SYCP2: variants seen among roughly 807,000 people sequenced by gnomAD.
The protein encoded by SYCP2 is synaptonemal complex lateral element protein.
SYCP2 carries 55 observed loss-of-function variants against 211.3 expected under a neutral mutation model. The ratio of observed to expected loss-of-function variants is 0.26; its 90% CI spans 0.21 to 0.33. The LOEUF (loss-of-function observed/expected upper bound fraction) is 0.33, where lower values mean the gene tolerates loss of function less well. Ranked by LOEUF, SYCP2 falls within the 10% of genes least tolerant of loss-of-function variation. SYCP2 has a pLI of 1.00. For missense variants in SYCP2, 1,731 were observed against 1,752.0 expected (o/e 0.99, Z 0.21); for synonymous variants, 570 against 555.2 (o/e 1.03, Z -0.37).
At position 59,887,566 on chromosome 20, in the gene SYCP2, T is replaced by C. The variant is rs554021037; in HGVS notation, c.2365-732A>G. ...TTTCTAGTTCTAGATCCTTGAGGAATTGCCACACTGTCTTCCACAATGGTT... is the reference window on the plus strand; with the variant it reads ...TTTCTAGTTCTAGATCCTTGAGGAACTGCCACACTGTCTTCCACAATGGTT... On this transcript the variant is annotated intron_variant, in intron 24 of 44. Coordinates refer to ENST00000357552, the MANE Select transcript of SYCP2 (RefSeq NM_014258.4). Among the ~76,000 whole-genome samples the C allele has an allele frequency of 2.6e-5, 4 of 152,248 alleles. No homozygotes were observed. The South Asian group carries it at 8.3e-4, about 32-fold the overall frequency.
chr20:59,886,074 A>G (rs2059782236), intron 25 of SYCP2, 110 bp from the exon 26 acceptor site: 1 of 808,374 alleles, frequency 1.2e-6, no homozygotes, highest in Non-Finnish European at 2.0e-6. Flanking sequence ...AATGTTAAAA[A>G]TAACCAAAAT....
intron 15 of SYCP2, 128 bp downstream of exon 15, chr20:59,907,236 C>G (rs761634979): frequency 2.3e-4 from 148 of 652,984 alleles, no homozygotes; most frequent in Non-Finnish European, 3.4e-4. Context: ...TGATGAATTT[C>G]TGAATGTGAA....
At position 59,898,731 on chromosome 20, in the gene SYCP2, T is replaced by C. The variant is rs945064048; in HGVS notation, c.1404+1407A>G. 7.3e-5 allele frequency among the ~76,000 whole-genome samples: 11 copies of C among 151,426 alleles called. No individual in the cohort carries two copies. The South Asian group carries it at 8.3e-4, about 11-fold the overall frequency. ...AAAGACTTCCTACAAAAAAAAGATATGTAAAATGTTTTAAAAAGGAAAGCA... is the reference window on the plus strand; with the variant it reads ...AAAGACTTCCTACAAAAAAAAGATACGTAAAATGTTTTAAAAAGGAAAGCA... On this transcript the variant is annotated intron_variant, in intron 18 of 44. Coordinates refer to ENST00000357552, the MANE Select transcript of SYCP2 (RefSeq NM_014258.4).
intron 9 of SYCP2, 31 bp downstream of exon 9, chr20:59,915,431 TAAG>T: frequency 1.4e-6 from 2 of 1,387,956 alleles, no homozygotes; most frequent in Non-Finnish European, 2.0e-6. Flanking sequence ...TTATGGATTT[TAAG>T]AATAAAAACC....
At chr20:59,894,570 T>TACATATTTATGA (rs1327131508) in intron 20 of SYCP2, among the ~76,000 whole-genome samples, 2 of 152,060 alleles carry the variant, frequency 1.3e-5, no homozygotes, top group Non-Finnish European at 2.9e-5. Flanking sequence ...GAGAAAATTG[T>TACATATTTATGA]ACATATTTAT....
At chr20:59,869,724 A>T (rs1376052825) in intron 36 of SYCP2, 74 bp downstream of exon 36, 3 of 782,494 alleles carry the variant, frequency 3.8e-6, no homozygotes, top group African/African-American at 3.5e-5. Context: ...ATTACCACTA[A>T]AGGTCAGTAA....
At chr20:59,900,384 CAATT>C in intron 17 of SYCP2, 100 bp from the exon 18 acceptor site, 1 of 1,025,216 alleles carries the variant, frequency 9.8e-7, no homozygotes. Context: ...CTCACATATT[CAATT>C]ATTTCCCTTT....
chr20:59,866,568 A>G lies in SYCP2; in HGVS notation c.4147T>C (p.Tyr1383His). Residue 1383 changes from tyrosine to histidine, a missense_variant, in exon 40 of 45, where the codon TAT (tyrosine) becomes CAT (histidine). Coordinates refer to ENST00000357552, the MANE Select transcript of SYCP2 (RefSeq NM_014258.4). ...GTTTTCCAAGACTGCGTAGTAAAAT[A>G]ACTCAACATTTTATGTCGGATCTGA... ...RNNIRHKMLS[Y>H]FTTQSWKTAQ... 1 of 1,598,224 alleles carries G rather than the reference A, an allele frequency of 6.3e-7. No individual in the cohort carries two copies. Among genetic ancestry groups the G allele is most frequent in the Non-Finnish European group, 8.5e-7 (1 of 1,174,544 alleles).
rs369080127 is a variant in SYCP2, at chr20:59,867,792, G to C, written c.4044C>G (p.Thr1348=). ...CTATCCCTGCAAATTCATTTTGCCA[G>C]GTCTCCCAAGGAATAGAAAAGTCAT... is the stretch of plus-strand genomic sequence containing the variant. ...STNDFSIPWE[T]WQNEFAGIEM... The change falls in exon 39 of 45, where the codon ACC becomes ACG. Residue 1348 remains threonine, a synonymous_variant. Coordinates refer to ENST00000357552, the MANE Select transcript of SYCP2 (RefSeq NM_014258.4). 1.2e-6 allele frequency: 2 copies of C among 1,609,322 alleles called. No homozygotes were observed. The highest frequency in any genetic ancestry group is 1.7e-6 in the Non-Finnish European group (2 of 1,176,856).
At chr20:59,879,862 T>TACAC (rs1236840424) in intron 31 of SYCP2, among the ~76,000 whole-genome samples, 82 of 116,030 alleles carry the variant, frequency 7.1e-4, no homozygotes, top group African/African-American at 1.2e-3. Flanking sequence ...TATATATATA[T>TACAC]ACACACACAC....
chr20:59,866,199 T>G (rs1007412372), intron 41 of SYCP2, 94 bp downstream of exon 41: 1 of 706,614 alleles, frequency 1.4e-6, no homozygotes, highest in Non-Finnish European at 2.3e-6. Context: ...ACAAAAAGCT[T>G]TAGGATGTGC....
At chr20:59,920,891 GC>G (rs1250783624) in intron 4 of SYCP2, among the ~76,000 whole-genome samples, 2 of 151,544 alleles carry the variant, frequency 1.3e-5, no homozygotes, top group African/African-American at 4.8e-5. Flanking sequence ...GTATGAAAAT[GC>G]CTTAAATATG....
chr20:59,910,689 T>C (rs1004921337), intron 14 of SYCP2, among the ~76,000 whole-genome samples: 5 of 151,814 alleles, frequency 3.3e-5, no homozygotes, highest in African/African-American at 4.8e-5. Context: ...TTAATAACAA[T>C]ACTTTTCTCT....
intron 26 of SYCP2, among the ~76,000 whole-genome samples, chr20:59,883,340 C>T (rs1460281101): frequency 6.6e-6 from 1 of 151,980 alleles, no homozygotes; most frequent in African/African-American, 2.4e-5. Context: ...CAGAGCAAGA[C>T]TCTGTCTCCA....
At chr20:59,918,776 G>A (rs1038600432) in intron 7 of SYCP2, among the ~76,000 whole-genome samples, 4 of 152,010 alleles carry the variant, frequency 2.6e-5, no homozygotes, top group African/African-American at 2.4e-5. Context: ...AATCAATTTT[G>A]AAAACAGAAC....
Position 59,896,473 on chromosome 20 carries a change from G to A in SYCP2, c.1460C>T (p.Ala487Val), listed in dbSNP as rs905873596. 1.9e-6 allele frequency: 3 copies of A among 1,610,130 alleles called. No homozygotes were observed. Among genetic ancestry groups the A allele is most frequent in the Non-Finnish European group, 2.5e-6 (3 of 1,177,532 alleles). ...TGGACTTCTCATAGTGTATCTATCT[G>A]CACCAGAAACAATCATTGATGCTTC... ...MSEASMIVSG[A>V]DRYTMRSPVL... The change falls in exon 19 of 45, where the codon GCA (alanine) becomes GTA (valine). Residue 487 changes from alanine to valine, a missense_variant. Ala to Val is a moderately conservative substitution (Grantham distance 64). Around this residue, in one of 3 missense-constraint regions of SYCP2, gnomAD observed 1,387 missense variants for 1,351.3 expected, o/e 1.03. Coordinates refer to ENST00000357552, the MANE Select transcript of SYCP2 (RefSeq NM_014258.4).
intron 28 of SYCP2, 139 bp downstream of exon 28, chr20:59,881,806 A>G (rs2059688672): frequency 3.5e-6 from 2 of 578,884 alleles, no homozygotes; most frequent in Admixed American, 7.7e-5. Flanking sequence ...TAGGCTGGTT[A>G]TCCAAAATAT....
At chr20:59,908,636 A>G in intron 14 of SYCP2, among the ~76,000 whole-genome samples, 1 of 152,162 alleles carries the variant, frequency 6.6e-6, no homozygotes, top group East Asian at 1.9e-4. Flanking sequence ...TTTTAAAAAA[A>G]CACACATAAT....
chr20:59,865,918 AAAATCCAGTTAAAC>A, intron 41 of SYCP2, 53 bp from the exon 42 acceptor site: 2 of 787,886 alleles, frequency 2.5e-6, no homozygotes, highest in Non-Finnish European at 1.9e-6. Flanking sequence ...GTCCTAAAAT[AAAATCCAGTTAAAC>A]TTTAATATGA....
Sources: gnomAD v4.1 joint callset for allele counts (sites outside exome capture counted in the v4.1 genomes callset) on GRCh38, gnomAD v4.1.1 for gene constraint, gnomAD v4.1.1 regional missense constraint, MANE v1.5 for transcripts, NCBI Gene and HGNC (gene_info 2026-07-23, HGNC 2026-07-21) for gene names.